WAS: variants seen among roughly 807,000 people sequenced by gnomAD.
WAS encodes the protein actin nucleation-promoting factor WAS.
A neutral mutation model predicts 38.9 loss-of-function variants in WAS; 1 was observed. That is an observed-to-expected ratio of 0.03 (90% CI 0.01 to 0.12). The LOEUF (loss-of-function observed/expected upper bound fraction) is 0.12, where lower values mean the gene tolerates loss of function less well. WAS is among the 10% of genes least tolerant of loss of function. The pLI is 1.00. For missense variants in WAS, 311 were observed against 431.2 expected (o/e 0.72, Z 2.47); for synonymous variants, 182 against 173.6 (o/e 1.05, Z -0.38).
In WAS at chrX:48,683,859, T is replaced by A; in HGVS notation, c.6T>A (p.Ser2Arg). The A allele has an allele frequency of 8.3e-7, 1 of 1,210,851 alleles. No homozygotes were observed. The highest frequency in any genetic ancestry group is 3.0e-5 in the East Asian group (1 of 33,775). The change falls in exon 1 of 12, where the codon AGT (serine) becomes AGA (arginine). Residue 2 changes from serine to arginine, a missense_variant. Physicochemically the swap from Ser to Arg is moderately radical, Grantham distance 110. Coordinates refer to ENST00000376701, the MANE Select transcript of WAS (RefSeq NM_000377.3). ...AGACAAGGGCAGAAAGCACCATGAG[T>A]GGGGGCCCAATGGGAGGAAGGCCCG... M[S>R]GGPMGGRPGG...
In WAS at chrX:48,691,169, G is replaced by A. The variant is rs190136544; in HGVS notation, c.*7G>A. 69 of 1,207,468 alleles carry A rather than the reference G, an allele frequency of 5.7e-5. No homozygotes were observed. The highest frequency in any genetic ancestry group is 7.5e-5 in the Non-Finnish European group (67 of 894,154). On this transcript the variant is annotated 3_prime_UTR_variant, in exon 12 of 12. Transcript: ENST00000376701. ...TGATGAATGGGATGACTGAGTGGCT[G>A]AGTTACTTGCTGCCCTGTGCTCCTC...
chrX:48,686,182 G>T, intron 6 of WAS, 48 bp downstream of exon 6: 1 of 1,192,002 alleles, frequency 8.4e-7, no homozygotes, highest in Non-Finnish European at 1.1e-6. Context: ...GGTAAGAGTG[G>T]ATGGAGGAAT....
intron 1 of WAS, chrX:48,676,764 C>T (rs1226114696): frequency 8.9e-6 from 1 of 112,726 alleles, no homozygotes; most frequent in Non-Finnish European, 1.9e-5. Flanking sequence ...CCCGGGTTGG[C>T]CGCCCCTCCC....
In WAS at chrX:48,688,767, T is replaced by C. The variant is rs782337048; in HGVS notation, c.1039T>C (p.Leu347=). The C allele has an allele frequency of 2.4e-5, 28 of 1,149,778 alleles. No individual in the cohort carries two copies. In the South Asian group the frequency reaches 4.3e-4, roughly 18 times the overall value. The allele number at this position is 1,149,778 out of a possible 1,213,427, so 94.8% of individuals were successfully genotyped here. Residue 347 remains leucine, a synonymous_variant, in exon 10 of 12, where the codon TTG becomes CTG. Transcript: ENST00000376701. ...TTCTGGTCCACTGCCCCCTGTACCT[T>C]TGGGGATTGCCCCACCCCCACCAAC... ...GRSGPLPPVP[L]GIAPPPPTPR...
In WAS at chrX:48,689,042, C is replaced by A. The variant is rs782375661; in HGVS notation, c.1314C>A (p.Ile438=). ...GGGRGALLDQ[I]RQGIQLNKTP... is the part of the protein sequence containing the mutation. ...GTCGGGGAGCGCTTTTGGATCAAATCCGGCAGGGAATTCAGCTGAACAAGG... is the reference window on the plus strand; with the variant it reads ...GTCGGGGAGCGCTTTTGGATCAAATACGGCAGGGAATTCAGCTGAACAAGG... Residue 438 remains isoleucine, a synonymous_variant, in exon 10 of 12, where the codon ATC becomes ATA. Coordinates refer to ENST00000376701, the MANE Select transcript of WAS (RefSeq NM_000377.3). 1 of 1,204,388 alleles carries A rather than the reference C, an allele frequency of 8.3e-7. No individual in the cohort carries two copies. The highest frequency in any genetic ancestry group is 3.0e-5 in the East Asian group (1 of 33,783).
chrX:48,679,289 G>A (rs1408546179), upstream of WAS, among the ~76,000 whole-genome samples: 1 of 111,488 alleles, frequency 9.0e-6, no homozygotes, highest in Non-Finnish European at 1.9e-5. Context: ...CTCCCAAAAT[G>A]CTGGATTACA....
At chrX:48,685,673 GGA>G in intron 3 of WAS, 40 bp downstream of exon 3, 1 of 1,173,706 alleles carries the variant, frequency 8.5e-7, no homozygotes, top group Non-Finnish European at 1.1e-6. Flanking sequence ...CTTGGGGTGT[GGA>G]GAGGAGATGG....
intron 11 of WAS, among the ~76,000 whole-genome samples, chrX:48,690,391 G>T (rs2062436073): frequency 9.0e-6 from 1 of 111,198 alleles, no homozygotes; most frequent in Non-Finnish European, 1.9e-5. Context: ...CAAGCGATCT[G>T]CCCCGCCTCA....
chrX:48,685,940 C>T lies in WAS; in HGVS notation c.464-6C>T, dbSNP rs782001600. On this transcript the variant is annotated splice_polypyrimidine_tract_variant and splice_region_variant and intron_variant, in intron 4 of 11. Transcript: ENST00000376701. ...TGGTCCTGGCTCCCAATCCATCTAT[C>T]CACAGACAGACGCCAGCTACCCCCA... 6 of 1,211,817 alleles carry T rather than the reference C, an allele frequency of 5.0e-6. No homozygotes were observed. Among genetic ancestry groups the T allele is most frequent in the Non-Finnish European group, 6.7e-6 (6 of 895,460 alleles).
intron 1 of WAS, among the ~76,000 whole-genome samples, chrX:48,677,460 C>G (rs1473474844): frequency 8.9e-6 from 1 of 111,908 alleles, no homozygotes; most frequent in Non-Finnish European, 1.9e-5. Flanking sequence ...CTCTCCTGAT[C>G]ACTTTACACA....
At chrX:48,686,184 T>C (rs1602177782) in intron 6 of WAS, 50 bp downstream of exon 6, 1 of 1,187,659 alleles carries the variant, frequency 8.4e-7, no homozygotes, top group East Asian at 3.0e-5. Flanking sequence ...TAAGAGTGGA[T>C]GGAGGAATGA....
chrX:48,676,757 G>A (rs1335076220), intron 1 of WAS: 1 of 112,706 alleles, frequency 8.9e-6, no homozygotes, highest in African/African-American at 3.2e-5. Flanking sequence ...CGGTGCGCCC[G>A]GGTTGGCCGC....
chrX:48,688,777 C>A lies in WAS; in HGVS notation c.1049C>A (p.Ala350Asp). 8.8e-7 allele frequency: 1 copy of A among 1,135,699 alleles called. No individual in the cohort carries two copies. Among genetic ancestry groups the A allele is most frequent in the African/African-American group, 1.8e-5 (1 of 55,379 alleles). 93.6% of individuals were successfully genotyped at this position (1,135,699 alleles called of 1,213,427 possible). A position where few individuals can be genotyped will look rare whatever the true frequency, so the allele number is the denominator to read the frequency against. Residue 350 changes from alanine to aspartate, a missense_variant, in exon 10 of 12, where the codon GCC becomes GAC. Ala to Asp is a moderately radical substitution (Grantham distance 126). Coordinates refer to ENST00000376701, the MANE Select transcript of WAS (RefSeq NM_000377.3). ...CTGCCCCCTGTACCTTTGGGGATTG[C>A]CCCACCCCCACCAACACCCCGGGGA... Reference protein sequence around the residue: ...GPLPPVPLGIAPPPPTPRGPP... With the variant: ...GPLPPVPLGIDPPPPTPRGPP...
At chrX:48,685,515 G>A in intron 2 of WAS, 32 bp from the exon 3 acceptor site, 7 of 1,148,878 alleles carry the variant, frequency 6.1e-6, no homozygotes, top group Non-Finnish European at 8.2e-6. Context: ...GTGCCTCAGT[G>A]CCACTGTGCC....
chrX:48,677,571 C>G (rs2062393628), intron 1 of WAS, among the ~76,000 whole-genome samples: 1 of 112,254 alleles, frequency 8.9e-6, no homozygotes, highest in Admixed American at 9.4e-5. Flanking sequence ...AGAAGGCACA[C>G]AGCTGAGAAG....
In WAS at chrX:48,686,032, GA is replaced by G. The variant is rs782641390; in HGVS notation, c.505+47del. ...TAGGGGTAATAAGGGGCTAGCCCAGGAACCTGTGGCAGGGCTGTGATAACTC... is the reference window on the plus strand; with the variant it reads ...TAGGGGTAATAAGGGGCTAGCCCAGGACCTGTGGCAGGGCTGTGATAACTC... On this transcript the variant is annotated intron_variant, in intron 5 of 11. Coordinates refer to ENST00000376701, the MANE Select transcript of WAS (RefSeq NM_000377.3). 2.5e-6 allele frequency: 3 copies of G among 1,210,642 alleles called. No individual in the cohort carries two copies. The South Asian group carries it at 5.3e-5, about 21-fold the overall frequency.
upstream of WAS, among the ~76,000 whole-genome samples, chrX:48,681,017 C>G (rs150817872): frequency 1.7e-3 from 192 of 111,779 alleles, no homozygotes; most frequent in African/African-American, 6.2e-3. Context: ...ATCTTGGCCT[C>G]CATGTGGCAC....
At position 48,689,369 on chromosome X, in the gene WAS, C is replaced by T. The variant is rs782636781; in HGVS notation, c.1388C>T (p.Ser463Leu). 2.5e-6 allele frequency: 3 copies of T among 1,210,040 alleles called. No individual in the cohort carries two copies. The Admixed American group carries it at 6.5e-5, about 26-fold the overall frequency. ...GCGCTGCAGCCACCACCTCAGAGCT[C>T]AGAGGGACTGGTGGGGGCCCTGATG... is the stretch of plus-strand genomic sequence containing the variant. ...SSALQPPPQS[S>L]EGLVGALMHV... The change falls in exon 11 of 12, where the codon TCA becomes TTA. Residue 463 changes from serine (S) to leucine (L), a missense_variant. Ser to Leu is a moderately radical substitution (Grantham distance 145). Transcript: ENST00000376701.
At chrX:48,689,633 A>G (rs1284606765) in intron 11 of WAS, 199 bp downstream of exon 11, 1 of 450,870 alleles carries the variant, frequency 2.2e-6, no homozygotes, top group African/African-American at 2.5e-5. Context: ...TCCAACTTTG[A>G]CAGTAATATT....
Sources: allele counts gnomAD v4.1 joint callset (sites outside exome capture counted in the v4.1 genomes callset), GRCh38; gene constraint gnomAD v4.1.1; transcripts MANE v1.5; gene names NCBI Gene and HGNC (gene_info 2026-07-23, HGNC 2026-07-21).